UMAD1: variants seen among roughly 807,000 people sequenced by gnomAD.
UMAD1 encodes UBAP1-MVB12-associated (UMA)-domain containing protein 1.
UMAD1 carries 8 observed loss-of-function variants against 6.1 expected under a neutral mutation model. That is an observed-to-expected ratio of 1.30 (90% CI 0.76 to 2.35). The LOEUF is 2.35. UMAD1 is among the 30% of genes most tolerant of loss of function. The pLI is 0.00. For synonymous variants in UMAD1, 56 were observed against 31.4 expected (o/e 1.78, Z -2.61); for missense variants, 130 against 78.4 (o/e 1.66, Z -2.49).
intron 3 of UMAD1, among the ~76,000 whole-genome samples, chr7:7,812,385 A>C (rs946500920): frequency 6.6e-6 from 1 of 152,330 alleles, no homozygotes; most frequent in East Asian, 1.9e-4. Context: ...GAAGTTAGGT[A>C]GCTTAAAATG....
chr7:7,827,143 ATATATGTGTGTG>A (rs1365650779), intron 3 of UMAD1, among the ~76,000 whole-genome samples: 1 of 135,140 alleles, frequency 7.4e-6, no homozygotes, highest in Non-Finnish European at 1.6e-5. Context: ...ATATATATAT[ATATATGTGTGTG>A]TGTGTGTGTG....
chr7:7,731,296 G>A (rs1011230795), intron 2 of UMAD1, among the ~76,000 whole-genome samples: 7 of 152,068 alleles, frequency 4.6e-5, no homozygotes, highest in Non-Finnish European at 1.0e-4. Flanking sequence ...CACTGCACCC[G>A]GCCTCAAATA....
chr7:7,830,514 C>G lies in UMAD1; in HGVS notation c.156+28771C>G, dbSNP rs953908274. Among the ~76,000 whole-genome samples, 1 of 151,598 alleles carries G rather than the reference C, an allele frequency of 6.6e-6. No individual in the cohort carries two copies. Among genetic ancestry groups the G allele is most frequent in the Admixed American group, 6.6e-5 (1 of 15,220 alleles). On this transcript the variant is annotated intron_variant, in intron 3 of 3. Transcript: ENST00000682710. This position sits in a 1 kb window ranked among gnomAD's most constrained non-coding sequence, Gnocchi z 5.3. ...TCTCTTTCTTTTCCCTTTTTCGTTT[C>G]TTTTCTTTCTTTTAACATGCGTGTT...
intron 2 of UMAD1, among the ~76,000 whole-genome samples, chr7:7,779,293 A>ATTT (rs1177061607): frequency 7.0e-5 from 9 of 128,698 alleles, no homozygotes; most frequent in Non-Finnish European, 1.2e-4. Context: ...CTTTTTTTTA[A>ATTT]AAAGAGATAG....
chr7:7,839,303 C>T (rs1293049874), intron 3 of UMAD1, among the ~76,000 whole-genome samples: 4 of 152,126 alleles, frequency 2.6e-5, no homozygotes, highest in Middle Eastern at 3.2e-3. Flanking sequence ...CCTCAATCTC[C>T]TGGGCTCTGC....
intron 2 of UMAD1, among the ~76,000 whole-genome samples, chr7:7,728,627 G>T (rs1408925566): frequency 4.0e-5 from 6 of 149,272 alleles, no homozygotes; most frequent in Non-Finnish European, 8.9e-5. Context: ...CTGGGTGACA[G>T]AGTGAGACTC....
chr7:7,801,097 A>C (rs894975927), intron 2 of UMAD1, among the ~76,000 whole-genome samples: 9 of 152,192 alleles, frequency 5.9e-5, no homozygotes, highest in Admixed American at 4.6e-4. Flanking sequence ...CACCAACTTC[A>C]TTTAGTAATG....
Position 7,752,270 on chromosome 7 carries a change from G to A in UMAD1, c.83-49400G>A, listed in dbSNP as rs192054943. On this transcript the variant is annotated intron_variant, in intron 2 of 3. Transcript: ENST00000682710. Reference sequence around the variant, plus strand: ...AAGTTTCTAATAGAGATAATAAATAGGCTTGATAGACTACTTGAAAACTTA... The same window carrying A: ...AAGTTTCTAATAGAGATAATAAATAAGCTTGATAGACTACTTGAAAACTTA... Among the ~76,000 whole-genome samples, 248 of 152,150 alleles carry A rather than the reference G, an allele frequency of 1.6e-3. 2 individuals are homozygous for A. The highest frequency in any genetic ancestry group is 5.5e-3 in the African/African-American group (229 of 41,518).
intron 1 of UMAD1, among the ~76,000 whole-genome samples, chr7:7,660,223 C>T (rs1169694870): frequency 1.3e-5 from 2 of 152,186 alleles, no homozygotes; most frequent in East Asian, 1.9e-4. Context: ...CTCCTGAATA[C>T]AACATACTGA....
intron 2 of UMAD1, among the ~76,000 whole-genome samples, chr7:7,763,194 T>A (rs1781924274): frequency 1.3e-5 from 2 of 152,214 alleles, no homozygotes; most frequent in Non-Finnish European, 2.9e-5. Context: ...GATATTTAAT[T>A]GAAGTGCTTT....
At chr7:7,760,556 T>C (rs1402666127) in intron 2 of UMAD1, among the ~76,000 whole-genome samples, 1 of 151,908 alleles carries the variant, frequency 6.6e-6, no homozygotes, top group Non-Finnish European at 1.5e-5. Flanking sequence ...CTGAAGACAA[T>C]ATTAAGTCAT....
chr7:7,651,169 T>C (rs544864075), intron 1 of UMAD1, among the ~76,000 whole-genome samples: 2 of 152,320 alleles, frequency 1.3e-5, no homozygotes, highest in Admixed American at 6.5e-5. Flanking sequence ...TTTTTAAAAA[T>C]ATATGGCTAA....
At chr7:7,758,282 A>G (rs978898776) in intron 2 of UMAD1, among the ~76,000 whole-genome samples, 2 of 151,822 alleles carry the variant, frequency 1.3e-5, no homozygotes, top group African/African-American at 4.8e-5. Flanking sequence ...CCTTTTTCTC[A>G]CGTAGCCTAT....
chr7:7,725,839 G>A (rs969661880), intron 2 of UMAD1, among the ~76,000 whole-genome samples: 16 of 152,192 alleles, frequency 1.1e-4, no homozygotes, highest in South Asian at 6.2e-4. Flanking sequence ...ATCAGTTGAC[G>A]TAGGAAGAGA....
chr7:7,831,706 T>A (rs1369041767), intron 3 of UMAD1, among the ~76,000 whole-genome samples: 5 of 152,186 alleles, frequency 3.3e-5, no homozygotes, highest in Non-Finnish European at 7.3e-5. Flanking sequence ...TTGACACCGT[T>A]GGGATAATTG....
chr7:7,823,503 C>T (rs1038627464), intron 3 of UMAD1, among the ~76,000 whole-genome samples: 2 of 152,098 alleles, frequency 1.3e-5, no homozygotes, highest in Admixed American at 1.3e-4. Context: ...TTTGGCCCTC[C>T]TGCACTCCGT....
intron 2 of UMAD1, among the ~76,000 whole-genome samples, chr7:7,729,252 G>A (rs1013985892): frequency 1.3e-5 from 2 of 152,186 alleles, no homozygotes; most frequent in African/African-American, 4.8e-5. Context: ...AACATGATGA[G>A]GCTCGGGAGT....
intron 2 of UMAD1, among the ~76,000 whole-genome samples, chr7:7,772,816 G>A (rs1409274072): frequency 6.6e-6 from 1 of 152,212 alleles, no homozygotes; most frequent in African/African-American, 2.4e-5. Context: ...GATGGAAGTG[G>A]TCAGTTGTGC....
At chr7:7,788,122 A>T (rs868663622) in intron 2 of UMAD1, among the ~76,000 whole-genome samples, 1 of 152,216 alleles carries the variant, frequency 6.6e-6, no homozygotes, top group Admixed American at 6.5e-5. Flanking sequence ...TATTGTCCTC[A>T]TGGAACTGAT....
Sources: gnomAD v4.1 joint callset for allele counts (sites outside exome capture counted in the v4.1 genomes callset) on GRCh38, gnomAD v4.1.1 for gene constraint, Gnocchi (gnomAD v3.1) non-coding constraint, MANE v1.5 for transcripts, NCBI Gene and HGNC (gene_info 2026-07-23, HGNC 2026-07-21) for gene names.